CNTN4: variants seen among roughly 807,000 people sequenced by gnomAD.
CNTN4 encodes contactin-4.
In CNTN4, 77 loss-of-function variants were observed where a neutral mutation model predicts 122.5. That is an observed-to-expected ratio of 0.63 (90% confidence interval 0.52 to 0.76). The LOEUF is 0.76. CNTN4 is among the 30% of genes least tolerant of loss of function. CNTN4 has a pLI of 0.00. For missense variants in CNTN4, 1,256 were observed against 1,259.1 expected (o/e 1.00, Z 0.04); for synonymous variants, 512 against 447.0 (o/e 1.15, Z -1.83).
At chr3:2,896,300 T>C (rs995699279) in intron 10 of CNTN4, among the ~76,000 whole-genome samples, 20 of 152,050 alleles carry the variant, frequency 1.3e-4, no homozygotes, top group Admixed American at 2.6e-4. Context: ...CAGCCTTGCG[T>C]TGTGTTAAAT....
At chr3:2,830,994 T>C (rs1432576754) in intron 7 of CNTN4, among the ~76,000 whole-genome samples, 1 of 152,208 alleles carries the variant, frequency 6.6e-6, no homozygotes, top group Non-Finnish European at 1.5e-5. Flanking sequence ...CTCTCAGGGA[T>C]TTTGAACCTA....
intron 6 of CNTN4, among the ~76,000 whole-genome samples, chr3:2,746,796 T>C (rs931706608): frequency 2.0e-5 from 3 of 152,232 alleles, no homozygotes; most frequent in Non-Finnish European, 4.4e-5. Context: ...GATTATTCTG[T>C]TAGTGAATGT....
At chr3:2,390,071 C>G (rs997012698) in intron 3 of CNTN4, among the ~76,000 whole-genome samples, 1 of 152,012 alleles carries the variant, frequency 6.6e-6, no homozygotes, top group South Asian at 2.1e-4. Context: ...CATAATAATA[C>G]TATATACATG....
chr3:2,919,320 C>T (rs1254722497), intron 12 of CNTN4, among the ~76,000 whole-genome samples: 1 of 149,486 alleles, frequency 6.7e-6, no homozygotes, highest in Non-Finnish European at 1.5e-5. Flanking sequence ...CCACTGCACT[C>T]CAGCCTGGGT....
rs142289695 is a variant in CNTN4 at position 2,212,819 on chromosome 3, G to A, written c.-145+112180G>A. ...TTCTGATTTAATTTATCTGAGATGAGAACCAAAGATATTTTCTAAATTCAC... is the reference window on the plus strand; with the variant it reads ...TTCTGATTTAATTTATCTGAGATGAAAACCAAAGATATTTTCTAAATTCAC... On this transcript the variant is annotated intron_variant, in intron 2 of 24. Coordinates refer to ENST00000418658, the MANE Select transcript of CNTN4 (RefSeq NM_175607.3). Among the ~76,000 whole-genome samples the A allele has an allele frequency of 1.9e-3, 292 of 152,282 alleles. 2 individuals carry two copies. The highest frequency in any genetic ancestry group is 6.7e-3 in the African/African-American group (278 of 41,556).
chr3:2,687,190 T>C (rs1394102276), intron 4 of CNTN4, among the ~76,000 whole-genome samples: 2 of 23,184 alleles, frequency 8.6e-5, no homozygotes, highest in African/African-American at 3.1e-4. Context: ...GTTGGTGATA[T>C]AAAAAGAGTG....
At position 2,193,414 on chromosome 3, in the gene CNTN4, T is replaced by A. The variant is rs915127788; in HGVS notation, c.-145+92775T>A. On this transcript the variant is annotated intron_variant, in intron 2 of 24. Transcript: ENST00000418658. Reference sequence around the variant, plus strand: ...TAGAAGGGACTATAAAAATGGCTCATCAACTTTATTCTTCAAAAGTATCAC... The same window carrying A: ...TAGAAGGGACTATAAAAATGGCTCAACAACTTTATTCTTCAAAAGTATCAC... Among the ~76,000 whole-genome samples the A allele has an allele frequency of 2.0e-5, 3 of 152,012 alleles. No individual in the cohort carries two copies. The East Asian group carries it at 5.8e-4, about 29-fold the overall frequency.
At chr3:2,670,568 T>G (rs149716994) in intron 4 of CNTN4, among the ~76,000 whole-genome samples, 15,018 of 152,204 alleles carry the variant, frequency 0.099, 830 homozygotes, top group African/African-American at 0.15. Flanking sequence ...CTGTGTCTTT[T>G]AATTGGAGCA....
intron 2 of CNTN4, among the ~76,000 whole-genome samples, chr3:2,315,422 C>T (rs80249372): frequency 0.012 from 1,762 of 152,034 alleles, 43 homozygotes; most frequent in African/African-American, 0.04. Context: ...TAAAGAGAGG[C>T]ACTTGGTAGG....
At chr3:2,731,593 A>C (rs911180607) in intron 4 of CNTN4, among the ~76,000 whole-genome samples, 2 of 152,122 alleles carry the variant, frequency 1.3e-5, no homozygotes, top group Non-Finnish European at 2.9e-5. Context: ...TCCTCCTCTT[A>C]ACATGATTTT....
intron 3 of CNTN4, among the ~76,000 whole-genome samples, chr3:2,515,208 G>A (rs911038995): frequency 6.6e-6 from 1 of 152,108 alleles, no homozygotes; most frequent in Non-Finnish European, 1.5e-5. Context: ...GTGCAGCAGG[G>A]ACCCAGAAAG....
chr3:2,592,935 G>T (rs2080569538), intron 4 of CNTN4, among the ~76,000 whole-genome samples: 1 of 152,104 alleles, frequency 6.6e-6, no homozygotes, highest in Non-Finnish European at 1.5e-5. Context: ...GTATTATATT[G>T]TACTGAGGGT....
chr3:2,281,176 C>G (rs2041701289), intron 2 of CNTN4, among the ~76,000 whole-genome samples: 1 of 152,172 alleles, frequency 6.6e-6, no homozygotes, highest in South Asian at 2.1e-4. Context: ...AGATATACCT[C>G]TTCCATTTTT....
intron 7 of CNTN4, 44 bp from the exon 8 acceptor site, chr3:2,866,708 A>G (rs1283694535): frequency 6.5e-7 from 1 of 1,532,506 alleles, no homozygotes; most frequent in Non-Finnish European, 9.0e-7. Flanking sequence ...GTAGAGTTCC[A>G]GTGCCAAAAG....
At chr3:3,035,009 T>A (rs1699478603) in intron 17 of CNTN4, among the ~76,000 whole-genome samples, 1 of 152,072 alleles carries the variant, frequency 6.6e-6, no homozygotes, top group Non-Finnish European at 1.5e-5. Flanking sequence ...ATAGTATCTG[T>A]GAAATGGTAA....
chr3:2,240,285 C>T (rs549796073), intron 2 of CNTN4, among the ~76,000 whole-genome samples: 9 of 151,964 alleles, frequency 5.9e-5, no homozygotes, highest in Admixed American at 1.3e-4. Context: ...TTTCCTTTTC[C>T]GTTCCTTTAG....
intron 4 of CNTN4, among the ~76,000 whole-genome samples, chr3:2,732,888 C>A (rs2088804566): frequency 6.6e-6 from 1 of 152,106 alleles, no homozygotes; most frequent in Non-Finnish European, 1.5e-5. Flanking sequence ...TCGATGAGAA[C>A]TGAAATACTA....
intron 2 of CNTN4, among the ~76,000 whole-genome samples, chr3:2,162,258 A>G (rs976302723): frequency 6.6e-6 from 1 of 152,160 alleles, no homozygotes; most frequent in Non-Finnish European, 1.5e-5. Flanking sequence ...CCAGAATCAA[A>G]TAGTTTTTAT....
At chr3:2,765,003 C>T (rs1463925750) in intron 6 of CNTN4, among the ~76,000 whole-genome samples, 1 of 152,150 alleles carries the variant, frequency 6.6e-6, no homozygotes, top group Non-Finnish European at 1.5e-5. Context: ...TACTGGCTTT[C>T]TGATATTTTT....
Sources: allele counts gnomAD v4.1 joint callset (sites outside exome capture counted in the v4.1 genomes callset), GRCh38; gene constraint gnomAD v4.1.1; transcripts MANE v1.5; gene names NCBI Gene and HGNC (gene_info 2026-07-23, HGNC 2026-07-21).